The following NUDT4 variants were observed in gnomAD, a reference collection of about 807,000 sequenced individuals.
The protein encoded by NUDT4 is diphosphoinositol polyphosphate phosphohydrolase 2.
In NUDT4, 5 loss-of-function variants were observed where a neutral mutation model predicts 23.1. That is an observed-to-expected ratio of 0.22 (90% confidence interval 0.11 to 0.46). The LOEUF (loss-of-function observed/expected upper bound fraction) is 0.46. Among genes scored for constraint, NUDT4 ranks in the 20% least tolerant of loss-of-function variants. The probability of loss-of-function intolerance (pLI) is 0.99; values close to 1 mark genes in which losing one functional copy is unlikely to be tolerated. For missense variants in NUDT4, 96 were observed against 211.6 expected (o/e 0.45, Z 3.39); for synonymous variants, 50 against 79.0 (o/e 0.63, Z 1.95).
At chr12:93,394,823 T>C (rs968776820) in intron 2 of NUDT4, 104 bp downstream of exon 2, 1 of 625,012 alleles carries the variant, frequency 1.6e-6, no homozygotes, top group Non-Finnish European at 2.9e-6. Flanking sequence ...GCTTTTTGCC[T>C]GATGCAACTT....
At position 93,408,053 on chromosome 12, in the gene NUDT4, G is replaced by C. The variant is rs565684259; in HGVS notation, c.*8674G>C. On this transcript the variant is annotated 3_prime_UTR_variant, in exon 5 of 5. Coordinates refer to ENST00000415493, the MANE Select transcript of NUDT4 (RefSeq NM_019094.6). The stretch of plus-strand genomic sequence containing the variant: ...TTGTAGTGCAACAGATTTAAATCTG[G>C]AATTTCATGGTTTGTAAATCACTAT... 1.3e-5 allele frequency: 2 copies of C among 152,262 alleles called. No individual in the cohort carries two copies. The highest frequency in any genetic ancestry group is 4.8e-5 in the African/African-American group (2 of 41,546). 9.4% of individuals were successfully genotyped at this position (152,262 alleles called of 1,614,324 possible).
intron 4 of NUDT4, 132 bp downstream of exon 4, chr12:93,398,987 A>AT (rs60307643): frequency 0.21 from 134,247 of 651,786 alleles, 5,317 homozygotes; most frequent in African/African-American, 0.35. Flanking sequence ...TCCATCCTAG[A>AT]TTTTTTTTTT....
In NUDT4 at chr12:93,403,315, TG is replaced by T. The variant is rs370230799; in HGVS notation, c.*3938del. The T allele has an allele frequency of 6.6e-6, 1 of 152,154 alleles. No homozygotes were observed. Among genetic ancestry groups the T allele is most frequent in the Non-Finnish European group, 1.5e-5 (1 of 68,036 alleles). 9.4% of individuals were successfully genotyped at this position (152,154 alleles called of 1,614,324 possible). On this transcript the variant is annotated 3_prime_UTR_variant, in exon 5 of 5. Transcript: ENST00000415493. ...TAAGTGATTTATCTTGGTGTAGTTT[TG>T]GCTTTTTTGTTTGTTTTTTTGAGAC...
rs746372735 is a variant in NUDT4, at chr12:93,401,922, ATT to A, written c.*2560_*2561del. ...CAGAGTGTTGGGACTGTCATTTGTG[ATT>A]TTTTTTTTTTTTTTTTGGTGGGGTA... On this transcript the variant is annotated 3_prime_UTR_variant, in exon 5 of 5. Coordinates refer to ENST00000415493, the MANE Select transcript of NUDT4 (RefSeq NM_019094.6). The A allele has an allele frequency of 0.1, 9,617 of 93,134 alleles. 126 individuals carry two copies. Among genetic ancestry groups the A allele is most frequent in the East Asian group, 0.32 (1,180 of 3,698 alleles). The allele number at this position is 93,134 out of a possible 1,614,324, so 5.8% of individuals were successfully genotyped here. A position where few individuals can be genotyped will look rare whatever the true frequency, so the allele number is the denominator to read the frequency against.
chr12:93,382,674 C>CTTTTTTTTTTTTTTTTTTTTTTTT (rs11315217), intron 1 of NUDT4, among the ~76,000 whole-genome samples: 10 of 111,644 alleles, frequency 9.0e-5, no homozygotes, highest in African/African-American at 2.8e-4. Flanking sequence ...CAAAGGTAGC[C>CTTTTTTTTTTTTTTTTTTTTTTTT]TTTTTTTTTT....
At chr12:93,387,880 T>C (rs532390445) in intron 1 of NUDT4, among the ~76,000 whole-genome samples, 1 of 152,322 alleles carries the variant, frequency 6.6e-6, no homozygotes, top group East Asian at 1.9e-4. Context: ...CTGGCAGACA[T>C]ACGCCATCAT....
chr12:93,395,490 C>T lies in NUDT4; in HGVS notation c.212C>T (p.Ala71Val), dbSNP rs755467309. Residue 71 changes from alanine (A) to valine (V), a missense_variant and splice_region_variant, in exon 3 of 5, where the codon GCT (alanine) becomes GTT (valine). Ala to Val is a moderately conservative substitution (Grantham distance 64). Coordinates refer to ENST00000415493, the MANE Select transcript of NUDT4 (RefSeq NM_019094.6). ...TTATATTTCATCTTTTTTTAATAGG[C>T]TGGAGTCAAAGGAAAACTAGGCAGA... ...GAAVREVYEEAGVKGKLGRLL... is the reference protein window; with the variant it reads ...GAAVREVYEEVGVKGKLGRLL... 2 of 1,601,058 alleles carry T rather than the reference C, an allele frequency of 1.2e-6. No homozygotes were observed. Among genetic ancestry groups the T allele is most frequent in the African/African-American group, 2.7e-5 (2 of 74,450 alleles).
intron 1 of NUDT4, among the ~76,000 whole-genome samples, chr12:93,383,016 A>G (rs570512638): frequency 1.8e-4 from 27 of 151,434 alleles, no homozygotes; most frequent in Non-Finnish European, 3.8e-4. Context: ...CTGTGCCTCC[A>G]GCTCTCCCAG....
rs1877555001 is a variant in NUDT4 at position 93,402,755 on chromosome 12, TACTC to T, written c.*3377_*3380del. ...TTTTAATGAATGTGAGCTCTTGACT[TACTC>T]TAGAATTCTAATACAGATACTTTCT... On this transcript the variant is annotated 3_prime_UTR_variant, in exon 5 of 5. Transcript: ENST00000415493. The T allele has an allele frequency of 6.6e-6, 1 of 152,174 alleles. No homozygotes were observed. The highest frequency in any genetic ancestry group is 1.5e-5 in the Non-Finnish European group (1 of 68,030). The allele number at this position is 152,174 out of a possible 1,614,324, so 9.4% of individuals were successfully genotyped here. A position where few individuals can be genotyped will look rare whatever the true frequency, so the allele number is the denominator to read the frequency against.
intron 1 of NUDT4, among the ~76,000 whole-genome samples, chr12:93,388,861 A>T (rs1032308641): frequency 6.6e-6 from 1 of 152,202 alleles, no homozygotes; most frequent in South Asian, 2.1e-4. Flanking sequence ...AATTTTATTT[A>T]ATCTTAAATT....
chr12:93,378,500 C>A, intron 1 of NUDT4, 79 bp downstream of exon 1: 11 of 1,375,756 alleles, frequency 8.0e-6, no homozygotes, highest in Non-Finnish European at 1.1e-5. Context: ...CTCCCCGCCC[C>A]TGCGCAGGCT....
intron 1 of NUDT4, among the ~76,000 whole-genome samples, chr12:93,380,556 T>C (rs1337274560): frequency 6.6e-6 from 1 of 152,122 alleles, no homozygotes; most frequent in Non-Finnish European, 1.5e-5. Context: ...TTGAAGAGAG[T>C]GAGTCATCTT....
At chr12:93,378,664 C>T (rs1279664954) in intron 1 of NUDT4, 5 of 1,183,162 alleles carry the variant, frequency 4.2e-6, no homozygotes, top group Non-Finnish European at 5.2e-6. Flanking sequence ...CTCGAGAAGG[C>T]GCCTGGTCCC....
chr12:93,399,276 G>C lies in NUDT4; in HGVS notation c.440G>C (p.Cys147Ser). ...TATCTGGAAAAGCTAAAGCTGGGTT[G>C]TTCCCCAGCCAATGGAAATTCTACA... ...AEYLEKLKLGCSPANGNSTVP... is the reference protein window; with the variant it reads ...AEYLEKLKLGSSPANGNSTVP... The change falls in exon 5 of 5, where the codon TGT (cysteine) becomes TCT (serine). Residue 147 changes from cysteine (C) to serine (S), a missense_variant. Cys to Ser is a moderately radical substitution (Grantham distance 112). Coordinates refer to ENST00000415493, the MANE Select transcript of NUDT4 (RefSeq NM_019094.6). The C allele has an allele frequency of 7.9e-7, 1 of 1,261,426 alleles. No individual in the cohort carries two copies. Among genetic ancestry groups the C allele is most frequent in the Non-Finnish European group, 1.2e-6 (1 of 861,960 alleles). 78.1% of individuals were successfully genotyped at this position (1,261,426 alleles called of 1,614,324 possible).
At chr12:93,392,413 G>A (rs890795425) in intron 1 of NUDT4, among the ~76,000 whole-genome samples, 2 of 147,304 alleles carry the variant, frequency 1.4e-5, no homozygotes, top group African/African-American at 5.0e-5. Context: ...CTTCCACCAC[G>A]CCCGGCTAAT....
intron 1 of NUDT4, among the ~76,000 whole-genome samples, chr12:93,387,733 G>A (rs1272771008): frequency 6.6e-6 from 1 of 152,116 alleles, no homozygotes; most frequent in Non-Finnish European, 1.5e-5. Flanking sequence ...CAGACCCCAG[G>A]TGATCACAGG....
At chr12:93,395,999 G>T (rs185733754) in intron 3 of NUDT4, among the ~76,000 whole-genome samples, 4 of 152,282 alleles carry the variant, frequency 2.6e-5, no homozygotes, top group African/African-American at 9.6e-5. Flanking sequence ...GATTACAGGC[G>T]TGAGCCACTG....
At chr12:93,390,176 A>G (rs2120913432) in intron 1 of NUDT4, among the ~76,000 whole-genome samples, 1 of 152,310 alleles carries the variant, frequency 6.6e-6, no homozygotes, top group South Asian at 2.1e-4. Context: ...TCCCATTATT[A>G]ACGTAATCCA....
At chr12:93,390,482 T>A (rs887936451) in intron 1 of NUDT4, among the ~76,000 whole-genome samples, 1 of 152,256 alleles carries the variant, frequency 6.6e-6, no homozygotes, top group Non-Finnish European at 1.5e-5. Context: ...GAAATCTGAT[T>A]TGTAGTTTCT....
Sources: allele counts gnomAD v4.1 joint callset (sites outside exome capture counted in the v4.1 genomes callset), GRCh38; gene constraint gnomAD v4.1.1; transcripts MANE v1.5; gene names NCBI Gene and HGNC (gene_info 2026-07-23, HGNC 2026-07-21).